The following ELP2 variants were observed in gnomAD, a reference collection of about 807,000 sequenced individuals.
ELP2 encodes elongator complex protein 2.
In ELP2, 90 loss-of-function variants were observed where a neutral mutation model predicts 119.2. The observed-to-expected ratio is 0.75, with a 90% CI of 0.64 to 0.90. ELP2 has a LOEUF of 0.90. Among genes scored for constraint, ELP2 ranks in the 40% least tolerant of loss-of-function variants. The pLI is 0.00. For synonymous variants in ELP2, 339 were observed against 331.0 expected (o/e 1.02, Z -0.26); for missense variants, 921 against 967.8 (o/e 0.95, Z 0.64).
rs1456821932 is a variant in ELP2, at chr18:36,149,492, T to G, written c.1125+3111T>G. ...CAGGGTTTTTTGTTTTGTTTTGTTT[T>G]TTTTTTTTTTGCTTAGAAATCATCC... On this transcript the variant is annotated intron_variant, in intron 11 of 21. Coordinates refer to ENST00000358232, the MANE Select transcript of ELP2 (RefSeq NM_018255.4). Among the ~76,000 whole-genome samples the G allele has an allele frequency of 8.2e-5, 12 of 147,130 alleles. 1 individual carries two copies. In the East Asian group the frequency reaches 2.4e-3, roughly 29 times the overall value.
Position 36,159,174 on chromosome 18 carries a change from G to A in ELP2, c.1534+270G>A, listed in dbSNP as rs539820110. The stretch of plus-strand genomic sequence containing the variant: ...GTCACCCAGGCTGGAGTGCAGTGGC[G>A]CGATCTCAGCTCACTGCAACCTCTG... On this transcript the variant is annotated intron_variant, in intron 14 of 21. Coordinates refer to ENST00000358232, the MANE Select transcript of ELP2 (RefSeq NM_018255.4). Among the ~76,000 whole-genome samples the A allele has an allele frequency of 5.3e-5, 8 of 150,088 alleles. No individual in the cohort carries two copies. In the South Asian group the frequency reaches 6.3e-4, roughly 12 times the overall value.
At chr18:36,139,871 G>A (rs1471640764) in intron 5 of ELP2, 2 of 194,688 alleles carry the variant, frequency 1.0e-5, no homozygotes, top group Non-Finnish European at 2.1e-5. Flanking sequence ...ATTTTTTAGA[G>A]ACAAAGTCTC....
chr18:36,162,808 A>G (rs910481717), intron 17 of ELP2, among the ~76,000 whole-genome samples: 7 of 152,212 alleles, frequency 4.6e-5, no homozygotes, highest in African/African-American at 1.7e-4. Flanking sequence ...AATGATATTA[A>G]GCATCTTTTC....
In ELP2 at chr18:36,156,454, C is replaced by G. The variant is rs760618043; in HGVS notation, c.1276-12C>G. 4.3e-6 allele frequency: 7 copies of G among 1,613,380 alleles called. No homozygotes were observed. Among genetic ancestry groups the G allele is most frequent in the African/African-American group, 1.3e-5 (1 of 74,840 alleles). On this transcript the variant is annotated splice_polypyrimidine_tract_variant and intron_variant, in intron 12 of 21. Transcript: ENST00000358232. ...TTTGAATGATCATTTTTGTTTATCC[C>G]GTTTTACCCAGGTGACTTGGCATGA...
intron 10 of ELP2, 37 bp from the exon 11 acceptor site, chr18:36,146,213 A>G: frequency 6.2e-7 from 1 of 1,613,266 alleles, no homozygotes; most frequent in Non-Finnish European, 8.5e-7. Flanking sequence ...AACATAGACT[A>G]TTGATTAAGA....
chr18:36,168,545 G>A (rs746660495), intron 19 of ELP2, among the ~76,000 whole-genome samples: 16 of 152,148 alleles, frequency 1.1e-4, no homozygotes, highest in Non-Finnish European at 1.8e-4. Context: ...TGAGCAAAAG[G>A]GGGAAGCCTC....
intron 11 of ELP2, among the ~76,000 whole-genome samples, chr18:36,148,473 T>C (rs2090285744): frequency 6.6e-6 from 1 of 152,204 alleles, no homozygotes; most frequent in Non-Finnish European, 1.5e-5. Flanking sequence ...TAACAAGGGC[T>C]ATGGGAGTTT....
chr18:36,141,147 A>G lies in ELP2; in HGVS notation c.534A>G (p.Leu178=). 3.1e-6 allele frequency: 5 copies of G among 1,613,786 alleles called. No individual in the cohort carries two copies. Among genetic ancestry groups the G allele is most frequent in the Non-Finnish European group, 3.4e-6 (4 of 1,179,732 alleles). The change falls in exon 6 of 22, where the codon TTA becomes TTG. Residue 178 remains leucine, a synonymous_variant. Transcript: ENST00000358232. ...SFLPNTDVPI[L]ACGNDDCRIH... ...TTTTTCTTCCCCCAGTACCAATATTAGCATGTGGCAATGATGATTGCAGAA... is the reference window on the plus strand; with the variant it reads ...TTTTTCTTCCCCCAGTACCAATATTGGCATGTGGCAATGATGATTGCAGAA...
intron 8 of ELP2, among the ~76,000 whole-genome samples, chr18:36,143,586 AG>A (rs1200511873): frequency 2.0e-5 from 3 of 151,922 alleles, no homozygotes; most frequent in African/African-American, 7.3e-5. Context: ...CTGTAAAGAT[AG>A]GGTCTTGCTA....
Position 36,149,296 on chromosome 18 carries a change from A to C in ELP2, c.1125+2915A>C, listed in dbSNP as rs1001641274. Among the ~76,000 whole-genome samples, 4 of 152,182 alleles carry C rather than the reference A, an allele frequency of 2.6e-5. No homozygotes were observed. The South Asian group carries it at 6.2e-4, about 24-fold the overall frequency. ...AGTAGCTCCTCAGTCTACTACGTTC[A>C]GACAGGATAAGGTTAGGTAGGTGCA... On this transcript the variant is annotated intron_variant, in intron 11 of 21. Coordinates refer to ENST00000358232, the MANE Select transcript of ELP2 (RefSeq NM_018255.4).
Position 36,141,170 on chromosome 18 carries a change from G to A in ELP2, c.557G>A (p.Arg186Lys), listed in dbSNP as rs758060195. The change falls in exon 6 of 22, where the codon AGA becomes AAA. Residue 186 changes from arginine (R) to lysine (K), a missense_variant. Transcript: ENST00000358232. ...PILACGNDDC[R>K]IHIFAQQNDQ... is the part of the protein sequence containing the mutation. ...TTAGCATGTGGCAATGATGATTGCAGAATTCACATATTTGCTCAACAAAAT... is the reference window on the plus strand; with the variant it reads ...TTAGCATGTGGCAATGATGATTGCAAAATTCACATATTTGCTCAACAAAAT... 2.5e-6 allele frequency: 4 copies of A among 1,613,792 alleles called. No homozygotes were observed. The highest frequency in any genetic ancestry group is 3.4e-6 in the Non-Finnish European group (4 of 1,179,826).
At chr18:36,138,107 T>G in intron 3 of ELP2, 163 bp from the exon 4 acceptor site, 2 of 636,536 alleles carry the variant, frequency 3.1e-6, no homozygotes. Context: ...GGCATGCACA[T>G]TTTGTGTGTT....
At chr18:36,161,502 A>G (rs1388295169) in intron 17 of ELP2, among the ~76,000 whole-genome samples, 1 of 152,202 alleles carries the variant, frequency 6.6e-6, no homozygotes, top group Non-Finnish European at 1.5e-5. Flanking sequence ...GAAATCCATC[A>G]GACTGTTTTT....
At chr18:36,130,948 G>T (rs552222659) in intron 1 of ELP2, among the ~76,000 whole-genome samples, 1 of 152,074 alleles carries the variant, frequency 6.6e-6, no homozygotes, top group African/African-American at 2.4e-5. Flanking sequence ...TGGGAGCATC[G>T]CTTGAGTCCA....
intron 17 of ELP2, among the ~76,000 whole-genome samples, chr18:36,161,637 A>T (rs544076802): frequency 6.6e-6 from 1 of 152,322 alleles, no homozygotes; most frequent in East Asian, 1.9e-4. Flanking sequence ...GTGGAGGATT[A>T]TCCGAAGGGT....
intron 6 of ELP2, 91 bp downstream of exon 6, chr18:36,141,292 T>A (rs17672356): frequency 0.069 from 78,077 of 1,129,470 alleles, 3,190 homozygotes; most frequent in East Asian, 0.14. Context: ...TTTTAGGGAA[T>A]GTTCTAATCT....
intron 19 of ELP2, 129 bp from the exon 20 acceptor site, chr18:36,169,934 G>T: frequency 8.2e-7 from 1 of 1,218,290 alleles, no homozygotes; most frequent in Non-Finnish European, 1.2e-6. Context: ...CACCATACAC[G>T]AATGTAATGA....
intron 18 of ELP2, chr18:36,166,852 T>C (rs1019516886): frequency 1.4e-5 from 4 of 278,590 alleles, no homozygotes; most frequent in Non-Finnish European, 2.6e-5. Flanking sequence ...GTTGAGTGTT[T>C]GGAAGATGTT....
intron 14 of ELP2, 24 bp downstream of exon 14, chr18:36,158,928 A>G (rs1341850364): frequency 1.0e-5 from 16 of 1,535,852 alleles, no homozygotes; most frequent in South Asian, 3.3e-5. Context: ...CTTCAAAATT[A>G]TTAAACCCAT....
Sources: gnomAD v4.1 joint callset for allele counts (sites outside exome capture counted in the v4.1 genomes callset) on GRCh38, gnomAD v4.1.1 for gene constraint, MANE v1.5 for transcripts, NCBI Gene and HGNC (gene_info 2026-07-23, HGNC 2026-07-21) for gene names.